CCDC148: variants seen among roughly 807,000 people sequenced by gnomAD.
The protein encoded by CCDC148 is coiled-coil domain-containing protein 148.
In CCDC148, 89 loss-of-function variants were observed where a neutral mutation model predicts 85.7. The observed-to-expected ratio is 1.04, with a 90% confidence interval of 0.87 to 1.24. CCDC148 has a LOEUF of 1.24. CCDC148 is among the 50% of genes most tolerant of loss of function. The probability of loss-of-function intolerance (pLI) is 0.00; values close to 1 mark genes in which losing one functional copy is unlikely to be tolerated. For missense variants in CCDC148, 692 were observed against 671.7 expected, an observed-to-expected ratio of 1.03 and a Z score of -0.33; for synonymous variants, 230 against 213.9, an observed-to-expected ratio of 1.08 and a Z score of -0.66.
chr2:158,412,122 C>T (rs539171592), intron 1 of CCDC148, among the ~76,000 whole-genome samples: 17 of 152,276 alleles, frequency 1.1e-4, no homozygotes, highest in Admixed American at 6.5e-4. Flanking sequence ...GTGACAACTA[C>T]TGGGGTCCTC....
At chr2:158,218,499 T>C (rs1687006523) in intron 11 of CCDC148, among the ~76,000 whole-genome samples, 1 of 152,228 alleles carries the variant, frequency 6.6e-6, no homozygotes, top group African/African-American at 2.4e-5. Context: ...ATCTTGATAA[T>C]TATTGGGACA....
chr2:158,324,717 A>G (rs1692684439), intron 7 of CCDC148, among the ~76,000 whole-genome samples: 2 of 138,206 alleles, frequency 1.4e-5, no homozygotes, highest in Admixed American at 1.4e-4. Flanking sequence ...TAAACTCTGG[A>G]CACAATGTTT....
chr2:158,433,270 A>ATATATATATATATATG (rs1316265695), intron 1 of CCDC148, among the ~76,000 whole-genome samples: 80 of 129,154 alleles, frequency 6.2e-4, no homozygotes, highest in African/African-American at 2.0e-3. Context: ...AAATATATAT[A>ATATATATATATATATG]TATATATAAA....
intron 1 of CCDC148, among the ~76,000 whole-genome samples, chr2:158,423,259 G>C (rs942838403): frequency 8.5e-5 from 13 of 152,176 alleles, no homozygotes; most frequent in African/African-American, 2.9e-4. Flanking sequence ...CCAAGAAAGA[G>C]CCCACATTGC....
At chr2:158,271,263 T>C (rs1398457039) in intron 9 of CCDC148, among the ~76,000 whole-genome samples, 1 of 152,210 alleles carries the variant, frequency 6.6e-6, no homozygotes, top group Non-Finnish European at 1.5e-5. Context: ...TTGCAATATA[T>C]CTATGCTTCT....
At chr2:158,235,257 T>C (rs1432828405) in intron 10 of CCDC148, among the ~76,000 whole-genome samples, 1 of 152,234 alleles carries the variant, frequency 6.6e-6, no homozygotes, top group Non-Finnish European at 1.5e-5. Context: ...GTAAAGGGCA[T>C]AACTATTATT....
At chr2:158,189,071 TA>T (rs1199722297) in intron 11 of CCDC148, among the ~76,000 whole-genome samples, 1 of 151,652 alleles carries the variant, frequency 6.6e-6, no homozygotes, top group African/African-American at 2.4e-5. Context: ...TGGCTATAAT[TA>T]AAAAGTAAAA....
intron 11 of CCDC148, among the ~76,000 whole-genome samples, chr2:158,201,129 G>T (rs923145792): frequency 6.6e-6 from 1 of 151,860 alleles, no homozygotes; most frequent in Admixed American, 6.6e-5. Context: ...TCTAGAGAGA[G>T]AAAAATTTAC....
chr2:158,220,848 T>C, intron 10 of CCDC148, 135 bp from the exon 11 acceptor site: 2 of 649,898 alleles, frequency 3.1e-6, no homozygotes, highest in Non-Finnish European at 5.2e-6. Context: ...GTTTCATAGA[T>C]ATGCTTATAA....
At chr2:158,452,203 G>T (rs547693893) in intron 1 of CCDC148, among the ~76,000 whole-genome samples, 8 of 152,236 alleles carry the variant, frequency 5.3e-5, no homozygotes, top group Middle Eastern at 3.4e-3. Flanking sequence ...CATCGTAACA[G>T]AAGTGATTAA....
At chr2:158,259,034 A>T (rs996832272) in intron 9 of CCDC148, among the ~76,000 whole-genome samples, 1 of 151,824 alleles carries the variant, frequency 6.6e-6, no homozygotes, top group Non-Finnish European at 1.5e-5. Flanking sequence ...CCTTACAGAT[A>T]GATCCCTGAA....
intron 1 of CCDC148, among the ~76,000 whole-genome samples, chr2:158,428,664 AG>A (rs1434740975): frequency 1.5e-5 from 2 of 132,698 alleles, no homozygotes; most frequent in Non-Finnish European, 3.4e-5. Context: ...GTAGAGAAAT[AG>A]GAACACTTTT....
At chr2:158,396,874 A>G (rs1685545097) in intron 1 of CCDC148, among the ~76,000 whole-genome samples, 1 of 151,888 alleles carries the variant, frequency 6.6e-6, no homozygotes, top group Non-Finnish European at 1.5e-5. Flanking sequence ...AATTACTACT[A>G]CTCTTAGGTG....
At chr2:158,280,190 C>T (rs1233464168) in intron 9 of CCDC148, among the ~76,000 whole-genome samples, 4 of 152,158 alleles carry the variant, frequency 2.6e-5, no homozygotes, top group Admixed American at 2.6e-4. Context: ...ATGTAAAGAG[C>T]ATCGAGACTT....
intron 7 of CCDC148, among the ~76,000 whole-genome samples, chr2:158,314,861 A>G (rs555501963): frequency 6.6e-6 from 1 of 152,362 alleles, no homozygotes; most frequent in African/African-American, 2.4e-5. Context: ...TGTGCATTTC[A>G]AAGAATTTCT....
chr2:158,404,720 T>C (rs755414987), intron 1 of CCDC148, among the ~76,000 whole-genome samples: 17 of 152,122 alleles, frequency 1.1e-4, no homozygotes, highest in Non-Finnish European at 2.2e-4. Flanking sequence ...TCAGCAGTTA[T>C]CCAAATCATC....
chr2:158,377,986 AG>A (rs1684725116), intron 1 of CCDC148, among the ~76,000 whole-genome samples: 1 of 152,088 alleles, frequency 6.6e-6, no homozygotes, highest in Non-Finnish European at 1.5e-5. Flanking sequence ...AATGTCCTGT[AG>A]GTGTTCAATT....
intron 1 of CCDC148, among the ~76,000 whole-genome samples, chr2:158,406,627 T>TTTTTTTTGTTTTTGTTTTTG: frequency 7.4e-6 from 1 of 135,692 alleles, no homozygotes; most frequent in Non-Finnish European, 1.6e-5. Context: ...TTTTTTTTTT[T>TTTTTTTTGTTTTTGTTTTTG]TTTTTTTTTT....
chr2:158,417,799 G>A (rs1439583238), intron 1 of CCDC148, among the ~76,000 whole-genome samples: 1 of 152,096 alleles, frequency 6.6e-6, no homozygotes, highest in East Asian at 1.9e-4. Flanking sequence ...TTTTTTCAAA[G>A]GATTAGTGGA....
Sources: allele counts gnomAD v4.1 joint callset (sites outside exome capture counted in the v4.1 genomes callset), GRCh38; gene constraint gnomAD v4.1.1; transcripts MANE v1.5; gene names NCBI Gene and HGNC (gene_info 2026-07-23, HGNC 2026-07-21).